The following MMEL1 variants were observed in gnomAD, a reference collection of about 807,000 sequenced individuals.
MMEL1 encodes the protein membrane metallo-endopeptidase-like 1.
Under a neutral mutation model 117.1 loss-of-function variants are expected in MMEL1, and 98 were observed. The observed-to-expected ratio is 0.84, with a 90% CI of 0.71 to 0.99. MMEL1 has a LOEUF of 0.99. Ranked by LOEUF, MMEL1 falls within the 50% of genes least tolerant of loss-of-function variation. The pLI is 0.00. For synonymous variants in MMEL1, 390 were observed against 415.1 expected, an observed-to-expected ratio of 0.94 and a Z score of 0.74; for missense variants, 1,014 against 1,049.1, an observed-to-expected ratio of 0.97 and a Z score of 0.46.
rs149350444 is a variant in MMEL1 at position 2,598,782 on chromosome 1, G to A, written c.1050C>T (p.Asn350=). 3.7e-6 allele frequency: 6 copies of A among 1,612,634 alleles called. No homozygotes were observed. The highest frequency in any genetic ancestry group is 1.3e-5 in the African/African-American group (1 of 74,914). Residue 350 remains asparagine, a synonymous_variant, in exon 12 of 24, where the codon AAC becomes AAT. Coordinates refer to ENST00000378412, the MANE Select transcript of MMEL1 (RefSeq NM_033467.4). ...LQSQFGLKGF[N]WTLFIQTVLS... ...GCACAGTTTGTATGAACAGAGTCCAGTTAAATCCCTGCAGATAGAGGAAGT... is the reference window on the plus strand; with the variant it reads ...GCACAGTTTGTATGAACAGAGTCCAATTAAATCCCTGCAGATAGAGGAAGT...
intron 8 of MMEL1, 66 bp downstream of exon 8, chr1:2,606,182 T>A (rs991773071): frequency 1.5e-5 from 19 of 1,302,234 alleles, no homozygotes. Context: ...CCTTCTGCTG[T>A]GCTGCAAGAG....
At chr1:2,603,827 T>C (rs2100939495) in intron 11 of MMEL1, 57 bp downstream of exon 11, 4 of 1,520,314 alleles carry the variant, frequency 2.6e-6, no homozygotes, top group Non-Finnish European at 3.6e-6. Flanking sequence ...GCCGCTTCCA[T>C]GTCCCCCACG....
chr1:2,629,298 G>T (rs755283582), intron 2 of MMEL1, 33 bp downstream of exon 2: 3 of 1,510,130 alleles, frequency 2.0e-6, no homozygotes, highest in Non-Finnish European at 2.7e-6. Flanking sequence ...GAGCGGGCAC[G>T]GGGACAGGCG....
chr1:2,597,822 T>C (rs901658864), intron 13 of MMEL1, among the ~76,000 whole-genome samples: 5 of 152,106 alleles, frequency 3.3e-5, no homozygotes, highest in African/African-American at 1.2e-4. Flanking sequence ...ATCTTCTCCT[T>C]CCTGTCCGCT....
chr1:2,607,800 C>T (rs905985886), intron 6 of MMEL1, among the ~76,000 whole-genome samples: 44 of 151,970 alleles, frequency 2.9e-4, no homozygotes, highest in African/African-American at 7.5e-4. Flanking sequence ...CACTAGAGGC[C>T]GGCCTCCTCT....
rs111749313 is a variant in MMEL1 at position 2,610,365 on chromosome 1, C to T, written c.293-534G>A. Among the ~76,000 whole-genome samples the T allele has an allele frequency of 2.2e-3, 336 of 152,252 alleles. 2 individuals are homozygous for T. The highest frequency in any genetic ancestry group is 7.7e-3 in the African/African-American group (320 of 41,536). On this transcript the variant is annotated intron_variant, in intron 4 of 23. Coordinates refer to ENST00000378412, the MANE Select transcript of MMEL1 (RefSeq NM_033467.4). ...CTTATTAACCACTTGATCTTGAACC[C>T]CAAACCCTCCGAGACTCATTTCCTT...
At position 2,593,021 on chromosome 1, in the gene MMEL1, C is replaced by A. The variant is rs979175870; in HGVS notation, c.1868-55G>T. 6.3e-6 allele frequency: 10 copies of A among 1,589,562 alleles called. No homozygotes were observed. The African/African-American group carries it at 1.2e-4, about 19-fold the overall frequency. On this transcript the variant is annotated intron_variant, in intron 19 of 23. Coordinates refer to ENST00000378412, the MANE Select transcript of MMEL1 (RefSeq NM_033467.4). ...ATGCCCCTGGCTGCACTGTGCCTGG[C>A]CCCACGGCAGCCACTGTGCCTGGCC...
At position 2,595,961 on chromosome 1, in the gene MMEL1, C is replaced by T. The variant is rs773798620; in HGVS notation, c.1500+48G>A. ...GAGGCTTTGTCGGGGCGGTGCTGCC[C>T]GTGCCCAGATCCAGTCGGGGCTGCC... On this transcript the variant is annotated intron_variant, in intron 15 of 23. Transcript: ENST00000378412. The surrounding 1 kb of genome is among the most constrained non-coding windows in gnomAD (Gnocchi z 4.8). 4.2e-5 allele frequency: 64 copies of T among 1,522,396 alleles called. No homozygotes were observed. The highest frequency in any genetic ancestry group is 4.9e-5 in the Non-Finnish European group (54 of 1,098,804). 94.3% of individuals were successfully genotyped at this position (1,522,396 alleles called of 1,614,324 possible).
At chr1:2,615,722 T>C (rs910575922) in intron 2 of MMEL1, among the ~76,000 whole-genome samples, 1 of 152,344 alleles carries the variant, frequency 6.6e-6, no homozygotes, top group South Asian at 2.1e-4. Context: ...CTGTACTATT[T>C]TGCAATGCTT....
chr1:2,616,879 CT>C (rs1207573497), intron 2 of MMEL1, among the ~76,000 whole-genome samples: 4 of 152,242 alleles, frequency 2.6e-5, no homozygotes, highest in Non-Finnish European at 5.9e-5. Flanking sequence ...TTCCCGTAGC[CT>C]TGTTGATGGG....
chr1:2,616,912 C>T (rs1196247149), intron 2 of MMEL1, among the ~76,000 whole-genome samples: 2 of 152,220 alleles, frequency 1.3e-5, no homozygotes, highest in African/African-American at 4.8e-5. Flanking sequence ...AGGAAATTCA[C>T]CAGATGCTGC....
At chr1:2,606,632 C>T (rs977563472) in intron 7 of MMEL1, among the ~76,000 whole-genome samples, 14 of 152,248 alleles carry the variant, frequency 9.2e-5, no homozygotes, top group African/African-American at 2.9e-4. Flanking sequence ...CTCCTGCCCC[C>T]GGGGGAATGG....
intron 1 of MMEL1, among the ~76,000 whole-genome samples, chr1:2,630,510 G>A (rs536088426): frequency 5.9e-5 from 9 of 152,070 alleles, no homozygotes; most frequent in African/African-American, 1.9e-4. Context: ...GCTCTCGTGT[G>A]TGCGTGTGCA....
chr1:2,592,068 C>G lies in MMEL1; in HGVS notation c.2068-41G>C, dbSNP rs775218953. On this transcript the variant is annotated intron_variant, in intron 21 of 23. Transcript: ENST00000378412. ...AGGAGCTGAGCTCAGGCCTGCCAGC[C>G]TGGACTCCAGAACCCTCAGATCTCA... The G allele has an allele frequency of 1.9e-6, 3 of 1,545,544 alleles. No homozygotes were observed. The South Asian group carries it at 3.4e-5, about 17-fold the overall frequency.
Position 2,612,326 on chromosome 1 carries a change from T to C in MMEL1, c.155-122A>G, listed in dbSNP as rs978588171. On this transcript the variant is annotated intron_variant, in intron 2 of 23. Transcript: ENST00000378412. The surrounding 1 kb of genome is among the most constrained non-coding windows in gnomAD (Gnocchi z 5.4). ...GCTGGGTGCTGCAGCCCTACCCCTG[T>C]AGTGAGGGCTGGTCCCCAGGGCAGC... 8.0e-6 allele frequency: 6 copies of C among 748,416 alleles called. No homozygotes were observed. The highest frequency in any genetic ancestry group is 3.0e-4 in the Middle Eastern group (1 of 3,372). 46.4% of individuals were successfully genotyped at this position (748,416 alleles called of 1,614,324 possible). A position where few individuals can be genotyped will look rare whatever the true frequency, so the allele number is the denominator to read the frequency against.
chr1:2,591,864 C>G (rs1644721451), intron 22 of MMEL1, 68 bp downstream of exon 22: 2 of 1,486,462 alleles, frequency 1.3e-6, no homozygotes, highest in Admixed American at 3.4e-5. Flanking sequence ...TGGAGGTGCC[C>G]CAGAGTGGGC....
intron 5 of MMEL1, 99 bp from the exon 6 acceptor site, chr1:2,609,518 C>T (rs1645092651): frequency 1.3e-6 from 2 of 1,512,572 alleles, no homozygotes; most frequent in Admixed American, 1.9e-5. Flanking sequence ...AGAGGCGGCC[C>T]CCCAGCTGCT....
chr1:2,623,366 A>C (rs1645320624), intron 2 of MMEL1, among the ~76,000 whole-genome samples: 1 of 152,220 alleles, frequency 6.6e-6, no homozygotes, highest in Non-Finnish European at 1.5e-5. Flanking sequence ...CAAAAGCTGC[A>C]ATTGAATATC....
intron 2 of MMEL1, among the ~76,000 whole-genome samples, chr1:2,616,032 A>G (rs1026831113): frequency 6.6e-6 from 1 of 152,238 alleles, no homozygotes; most frequent in Non-Finnish European, 1.5e-5. Flanking sequence ...GAATTTCAAG[A>G]CATACTTAAA....
Sources: gnomAD v4.1 joint callset for allele counts (sites outside exome capture counted in the v4.1 genomes callset) on GRCh38, gnomAD v4.1.1 for gene constraint, Gnocchi (gnomAD v3.1) non-coding constraint, MANE v1.5 for transcripts, NCBI Gene and HGNC (gene_info 2026-07-23, HGNC 2026-07-21) for gene names.